Variants in ZBTB20 observed in about 807,000 individuals in gnomAD.
The protein encoded by ZBTB20 is zinc finger and BTB domain-containing protein 20.
A neutral mutation model predicts 56.9 loss-of-function variants in ZBTB20; 9 were observed. The ratio of observed to expected loss-of-function variants is 0.16; its 90% CI spans 0.10 to 0.28. ZBTB20 has a LOEUF of 0.28. Ranked by LOEUF, ZBTB20 falls within the 10% of genes least tolerant of loss-of-function variation. The probability of loss-of-function intolerance (pLI) is 1.00; values close to 1 mark genes in which losing one functional copy is unlikely to be tolerated. For missense variants in ZBTB20, 655 were observed against 1,003.0 expected, an observed-to-expected ratio of 0.65 and a Z score of 4.69; for synonymous variants, 417 against 420.7, an observed-to-expected ratio of 0.99 and a Z score of 0.11.
chr3:114,956,414 G>A (rs1046474916), intron 3 of ZBTB20, among the ~76,000 whole-genome samples: 4 of 152,178 alleles, frequency 2.6e-5, no homozygotes, highest in African/African-American at 7.2e-5. Context: ...CTTTAAGACA[G>A]CAAGGTAGAC....
intron 2 of ZBTB20, among the ~76,000 whole-genome samples, chr3:115,021,437 A>C (rs2080200469): frequency 6.6e-6 from 1 of 150,930 alleles, no homozygotes. Flanking sequence ...ATATACACGT[A>C]AAGTTAAGAA....
At chr3:114,454,184 G>GAGAGAGAGAC (rs1157491333) in intron 7 of ZBTB20, among the ~76,000 whole-genome samples, 150 of 144,354 alleles carry the variant, frequency 1.0e-3, no homozygotes, top group Non-Finnish European at 2.0e-3. Flanking sequence ...GGGAGAGAGA[G>GAGAGAGAGAC]AGAGAGAGAG....
intron 10 of ZBTB20, chr3:114,356,095 C>T (rs965988979): frequency 6.6e-6 from 1 of 152,132 alleles, no homozygotes; most frequent in Non-Finnish European, 1.5e-5. Context: ...TCCCTCAAAA[C>T]ATGGAAGGAA....
chr3:114,355,990 A>G (rs2081212160), intron 10 of ZBTB20: 1 of 152,262 alleles, frequency 6.6e-6, no homozygotes, highest in Non-Finnish European at 1.5e-5. Flanking sequence ...TGATGGCAAA[A>G]TGAAATAGTG....
At chr3:114,620,244 T>A (rs2058226105) in intron 6 of ZBTB20, among the ~76,000 whole-genome samples, 1 of 152,196 alleles carries the variant, frequency 6.6e-6, no homozygotes, top group Non-Finnish European at 1.5e-5. Flanking sequence ...GGCTCAGATA[T>A]AGAAGACTCT....
In ZBTB20 at chr3:114,647,010, G is replaced by T. The variant is rs559770363; in HGVS notation, c.-295+46518C>A. Among the ~76,000 whole-genome samples the T allele has an allele frequency of 2.6e-5, 4 of 152,026 alleles. No individual in the cohort carries two copies. The South Asian group carries it at 8.3e-4, about 32-fold the overall frequency. On this transcript the variant is annotated intron_variant, in intron 6 of 11. Coordinates refer to ENST00000675478, the MANE Select transcript of ZBTB20 (RefSeq NM_001348800.3). ...GTCTTGCTCTGTTGCCCAGGCTGGA[G>T]TGCAGTGGCGCGATCTTGGCTAACT...
At chr3:115,118,804 T>C (rs2084099307) in intron 1 of ZBTB20, among the ~76,000 whole-genome samples, 1 of 138,698 alleles carries the variant, frequency 7.2e-6, no homozygotes, top group South Asian at 2.4e-4. Context: ...CACTGCAAGC[T>C]CCGCCTCCCG....
chr3:114,735,237 A>G (rs779653814), intron 5 of ZBTB20, among the ~76,000 whole-genome samples: 1 of 152,154 alleles, frequency 6.6e-6, no homozygotes, highest in Non-Finnish European at 1.5e-5. Flanking sequence ...ATCTCAATAA[A>G]ATATTACTCA....
intron 6 of ZBTB20, among the ~76,000 whole-genome samples, chr3:114,639,361 C>T (rs371544174): frequency 6.6e-6 from 1 of 151,990 alleles, no homozygotes; most frequent in African/African-American, 2.4e-5. Context: ...CAGCTTTCAG[C>T]TTGAGCTAAA....
chr3:115,036,563 T>C (rs1450361581), intron 2 of ZBTB20, among the ~76,000 whole-genome samples: 1 of 152,124 alleles, frequency 6.6e-6, no homozygotes, highest in East Asian at 1.9e-4. Flanking sequence ...TACAGGTGCG[T>C]GCCATCACGC....
At chr3:114,394,331 C>T (rs2086152425) in intron 7 of ZBTB20, among the ~76,000 whole-genome samples, 1 of 152,150 alleles carries the variant, frequency 6.6e-6, no homozygotes, top group Admixed American at 6.6e-5. Flanking sequence ...GAGTCTAAAT[C>T]TGTACTCTTT....
At chr3:114,930,739 A>C in intron 3 of ZBTB20, 1 of 244,628 alleles carries the variant, frequency 4.1e-6, no homozygotes, top group Non-Finnish European at 8.5e-6. Context: ...TGCGAATGGC[A>C]CCAAGGAAGA....
chr3:114,999,846 T>C (rs1368455506), intron 2 of ZBTB20, among the ~76,000 whole-genome samples: 1 of 151,740 alleles, frequency 6.6e-6, no homozygotes, highest in Non-Finnish European at 1.5e-5. Context: ...AAAAGGTATG[T>C]TAGCAACAAC....
At chr3:114,419,382 T>G (rs887613081) in intron 7 of ZBTB20, among the ~76,000 whole-genome samples, 11 of 152,130 alleles carry the variant, frequency 7.2e-5, no homozygotes, top group African/African-American at 2.2e-4. Context: ...CAAAATGGGT[T>G]TCAGAACAGG....
At chr3:114,482,266 G>A (rs1377204335) in intron 7 of ZBTB20, among the ~76,000 whole-genome samples, 1 of 152,110 alleles carries the variant, frequency 6.6e-6, no homozygotes, top group African/African-American at 2.4e-5. Flanking sequence ...GATGAGGTGG[G>A]CTCTCAGACA....
chr3:114,932,744 G>A (rs2076400535), intron 3 of ZBTB20, among the ~76,000 whole-genome samples: 1 of 152,178 alleles, frequency 6.6e-6, no homozygotes, highest in South Asian at 2.1e-4. Flanking sequence ...GCAGAAAAGG[G>A]AAATAAGATA....
At chr3:114,835,491 T>C (rs947384396) in intron 4 of ZBTB20, among the ~76,000 whole-genome samples, 32 of 152,198 alleles carry the variant, frequency 2.1e-4, no homozygotes, top group Admixed American at 3.3e-4. Context: ...TTTCTTCCCA[T>C]GAATTATTTA....
At chr3:114,607,175 A>T (rs1258662702) in intron 6 of ZBTB20, among the ~76,000 whole-genome samples, 2 of 152,298 alleles carry the variant, frequency 1.3e-5, no homozygotes, top group South Asian at 2.1e-4. Flanking sequence ...CTCAATTTGC[A>T]ATATGAGGTT....
intron 1 of ZBTB20, among the ~76,000 whole-genome samples, chr3:115,127,206 T>C (rs745755937): frequency 3.9e-5 from 6 of 152,206 alleles, no homozygotes; most frequent in Non-Finnish European, 7.3e-5. Flanking sequence ...ATTGAGACTA[T>C]TCAAGGCAAC....
Sources: allele counts gnomAD v4.1 joint callset (sites outside exome capture counted in the v4.1 genomes callset), GRCh38; gene constraint gnomAD v4.1.1; transcripts MANE v1.5; gene names NCBI Gene and HGNC (gene_info 2026-07-23, HGNC 2026-07-21).